The following SPDYA variants were observed in gnomAD, a reference collection of about 807,000 sequenced individuals.
The protein encoded by SPDYA is speedy/RINGO cell cycle regulator family member A, also known as speedy protein A.
Under a neutral mutation model 36.7 loss-of-function variants are expected in SPDYA, and 11 were observed. The ratio of observed to expected loss-of-function variants is 0.30; its 90% CI spans 0.19 to 0.50. The LOEUF is 0.50. SPDYA is among the 20% of genes least tolerant of loss of function. The probability of loss-of-function intolerance (pLI) is 0.98; values close to 1 mark genes in which losing one functional copy is unlikely to be tolerated. For missense variants in SPDYA, 287 were observed against 370.9 expected, an observed-to-expected ratio of 0.77 and a Z score of 1.86; for synonymous variants, 115 against 118.7, an observed-to-expected ratio of 0.97 and a Z score of 0.20.
At chr2:28,822,858 G>A (rs1209027530) in intron 5 of SPDYA, among the ~76,000 whole-genome samples, 3 of 152,226 alleles carry the variant, frequency 2.0e-5, no homozygotes, top group East Asian at 3.9e-4. Context: ...TGCCCGCCTC[G>A]GCCTTCCAAG....
chr2:28,843,003 C>CA (rs60266249), intron 7 of SPDYA, among the ~76,000 whole-genome samples: 137,668 of 152,156 alleles, frequency 0.9, 62,328 homozygotes, highest in Non-Finnish European at 0.93. Context: ...AAGAAAGACA[C>CA]AAAAGTTTAT....
chr2:28,831,302 G>A (rs926126716), intron 6 of SPDYA, among the ~76,000 whole-genome samples: 1 of 152,142 alleles, frequency 6.6e-6, no homozygotes, highest in Non-Finnish European at 1.5e-5. Context: ...AGGCTGCAGT[G>A]AGCCATGATT....
rs1216321618 is a variant in SPDYA, at chr2:28,815,981, T to C, written c.-18-16T>C. ...TGAATGTGTGTGATGAATAATTGTA[T>C]GTTTTATTTTTACAGGAATATTGGG... is the stretch of plus-strand genomic sequence containing the variant. On this transcript the variant is annotated splice_polypyrimidine_tract_variant and intron_variant, in intron 2 of 7. Coordinates refer to ENST00000334056, the MANE Select transcript of SPDYA (RefSeq NM_182756.4). 3 of 1,502,556 alleles carry C rather than the reference T, an allele frequency of 2.0e-6. No individual in the cohort carries two copies. In the Admixed American group the frequency reaches 5.3e-5, roughly 27 times the overall value. The allele number at this position is 1,502,556 out of a possible 1,614,324, so 93.1% of individuals were successfully genotyped here. A position where few individuals can be genotyped will look rare whatever the true frequency, so the allele number is the denominator to read the frequency against.
At position 28,816,161 on chromosome 2, in the gene SPDYA, T is replaced by A. The variant is rs942433195; in HGVS notation, c.147T>A (p.Asn49Lys). ...ATAATTGGCAAGCATTTGAAAAAAATACACATAATAACAACAAATCTAAAC... is the reference window on the plus strand; with the variant it reads ...ATAATTGGCAAGCATTTGAAAAAAAAACACATAATAACAACAAATCTAAAC... ...CKDNWQAFEK[N>K]THNNNKSKRP... Residue 49 changes from asparagine (N) to lysine (K), a missense_variant, in exon 3 of 8, where the codon AAT becomes AAA. Transcript: ENST00000334056. 6.2e-7 allele frequency: 1 copy of A among 1,614,004 alleles called. No homozygotes were observed. Among genetic ancestry groups the A allele is most frequent in the Non-Finnish European group, 8.5e-7 (1 of 1,179,958 alleles).
Position 28,810,835 on chromosome 2 carries a change from G to T in SPDYA, c.-205G>T, listed in dbSNP as rs1052038780. The T allele has an allele frequency of 6.6e-6, 1 of 152,426 alleles. No homozygotes were observed. Among genetic ancestry groups the T allele is most frequent in the South Asian group, 2.1e-4 (1 of 4,834 alleles). 9.4% of individuals were successfully genotyped at this position (152,426 alleles called of 1,614,324 possible). A position where few individuals can be genotyped will look rare whatever the true frequency, so the allele number is the denominator to read the frequency against. On this transcript the variant is annotated 5_prime_UTR_variant, in exon 1 of 8. Coordinates refer to ENST00000334056, the MANE Select transcript of SPDYA (RefSeq NM_182756.4). ...CGGGTTGGCGGGAGACCTTAGAGCG[G>T]GTACCGCTGCTGGCTAGCGACCGAC...
chr2:28,850,385 G>A lies in SPDYA; in HGVS notation c.*444G>A. 2 of 1,606,420 alleles carry A rather than the reference G, an allele frequency of 1.2e-6. No homozygotes were observed. The highest frequency in any genetic ancestry group is 1.7e-6 in the Non-Finnish European group (2 of 1,175,998). ...GCAACATAGGGAAATGATCCATATG[G>A]AAAATCAGAATGCGATTCTTCTGTT... On this transcript the variant is annotated 3_prime_UTR_variant, in exon 8 of 8. Transcript: ENST00000334056.
At chr2:28,823,720 T>TATATATATAC (rs1668232474) in intron 5 of SPDYA, among the ~76,000 whole-genome samples, 2 of 106,600 alleles carry the variant, frequency 1.9e-5, no homozygotes, top group Non-Finnish European at 4.0e-5. Context: ...TATATATATA[T>TATATATATAC]ATATATATAT....
At chr2:28,827,830 T>C (rs182449015) in intron 5 of SPDYA, among the ~76,000 whole-genome samples, 66 of 152,352 alleles carry the variant, frequency 4.3e-4, no homozygotes, top group African/African-American at 1.5e-3. Context: ...AAATGTCTTC[T>C]GTCCACCTCA....
chr2:28,829,075 G>A (rs1668409144), intron 5 of SPDYA, 73 bp from the exon 6 acceptor site: 1 of 1,348,064 alleles, frequency 7.4e-7, no homozygotes, highest in African/African-American at 1.5e-5. Flanking sequence ...CCACTTTTAT[G>A]TCTTGGTGTA....
intron 7 of SPDYA, among the ~76,000 whole-genome samples, chr2:28,845,533 CATA>C (rs1668851010): frequency 6.6e-6 from 1 of 152,098 alleles, no homozygotes; most frequent in Non-Finnish European, 1.5e-5. Flanking sequence ...GTTGTTCTTT[CATA>C]ATATTTTGTT....
intron 6 of SPDYA, among the ~76,000 whole-genome samples, chr2:28,838,367 G>A (rs1421671185): frequency 6.6e-6 from 1 of 151,850 alleles, no homozygotes; most frequent in African/African-American, 2.4e-5. Flanking sequence ...TTTTAGTAGA[G>A]ATGGGGTTTC....
intron 5 of SPDYA, among the ~76,000 whole-genome samples, chr2:28,828,314 CT>C (rs1253300431): frequency 1.3e-5 from 2 of 151,980 alleles, no homozygotes; most frequent in Non-Finnish European, 2.9e-5. Context: ...ATTTTTGTTT[CT>C]TTTTTCTCTG....
At chr2:28,845,843 C>T (rs549011035) in intron 7 of SPDYA, among the ~76,000 whole-genome samples, 2 of 152,288 alleles carry the variant, frequency 1.3e-5, no homozygotes, top group Admixed American at 1.3e-4. Flanking sequence ...CCGCGCCCGA[C>T]CTGTCTGCTC....
chr2:28,834,430 C>T (rs1668543911), intron 6 of SPDYA, among the ~76,000 whole-genome samples: 1 of 152,150 alleles, frequency 6.6e-6, no homozygotes, highest in South Asian at 2.1e-4. Flanking sequence ...CATGAATGTT[C>T]ATAGCAGTAT....
rs1000572239 is a variant in SPDYA, at chr2:28,810,937, G to A, written c.-103G>A. On this transcript the variant is annotated 5_prime_UTR_variant, in exon 1 of 8. Coordinates refer to ENST00000334056, the MANE Select transcript of SPDYA (RefSeq NM_182756.4). The stretch of plus-strand genomic sequence containing the variant: ...CCCGGCCCTCTCCCGCGCAGCCCCG[G>A]GCTTCCGCAGGTACCTGTGCTCGCC... 2 of 152,308 alleles carry A rather than the reference G, an allele frequency of 1.3e-5. No individual in the cohort carries two copies. Among genetic ancestry groups the A allele is most frequent in the Non-Finnish European group, 2.9e-5 (2 of 68,116 alleles). The allele number at this position is 152,308 out of a possible 1,614,324, so 9.4% of individuals were successfully genotyped here.
At chr2:28,825,763 G>T (rs1668300894) in intron 5 of SPDYA, among the ~76,000 whole-genome samples, 1 of 151,360 alleles carries the variant, frequency 6.6e-6, no homozygotes, top group African/African-American at 2.4e-5. Context: ...TTTGAGACAG[G>T]GTCTCACTCT....
intron 6 of SPDYA, among the ~76,000 whole-genome samples, chr2:28,830,332 T>A (rs1668450660): frequency 6.6e-6 from 1 of 151,412 alleles, no homozygotes; most frequent in Admixed American, 6.6e-5. Flanking sequence ...GCCTCCCAAT[T>A]AGCTGGGACT....
intron 3 of SPDYA, among the ~76,000 whole-genome samples, chr2:28,818,475 A>T (rs1228750021): frequency 6.6e-6 from 1 of 150,934 alleles, no homozygotes; most frequent in Non-Finnish European, 1.5e-5. Flanking sequence ...AAAGAGAGAA[A>T]GGGGGAATGG....
chr2:28,837,815 C>A (rs1271065544), intron 6 of SPDYA, among the ~76,000 whole-genome samples: 2 of 151,086 alleles, frequency 1.3e-5, no homozygotes, highest in Non-Finnish European at 2.9e-5. Flanking sequence ...CCATTCTCCT[C>A]CCTGCCAGGG....
Sources: gnomAD v4.1 joint callset for allele counts (sites outside exome capture counted in the v4.1 genomes callset) on GRCh38, gnomAD v4.1.1 for gene constraint, MANE v1.5 for transcripts, NCBI Gene and HGNC (gene_info 2026-07-23, HGNC 2026-07-21) for gene names.